The following FNBP1 variants were observed in gnomAD, a reference collection of about 807,000 sequenced individuals.
FNBP1 encodes the protein formin-binding protein 1.
FNBP1 carries 26 observed loss-of-function variants against 90.6 expected under a neutral mutation model. The observed-to-expected ratio is 0.29, with a 90% CI of 0.21 to 0.40. FNBP1 has a LOEUF of 0.40. Ranked by LOEUF, FNBP1 falls within the 10% of genes least tolerant of loss-of-function variation. The pLI, the probability that FNBP1 is intolerant of heterozygous loss-of-function variation, is 1.00. For synonymous variants in FNBP1, 260 were observed against 265.2 expected (o/e 0.98, Z 0.19); for missense variants, 635 against 768.0 (o/e 0.83, Z 2.05).
At chr9:130,004,349 A>G (rs2131524813) in intron 1 of FNBP1, among the ~76,000 whole-genome samples, 1 of 152,244 alleles carries the variant, frequency 6.6e-6, no homozygotes, top group East Asian at 1.9e-4. Flanking sequence ...TGCTAAAATT[A>G]CCTATGTAAG....
chr9:129,964,068 T>C (rs2048229102), intron 4 of FNBP1, among the ~76,000 whole-genome samples: 1 of 152,198 alleles, frequency 6.6e-6, no homozygotes. Flanking sequence ...AGCTGGGGTT[T>C]GTTTCTAGCT....
Position 129,890,635 on chromosome 9 carries a change from C to T in FNBP1, c.1847-89G>A. On this transcript the variant is annotated intron_variant, in intron 16 of 16. Transcript: ENST00000446176. The surrounding 1 kb of genome is among the most constrained non-coding windows in gnomAD (Gnocchi z 5.8). ...CGGGCATTTTGCTCTTGGCTACAAA[C>T]TGCACCGCCCTGGGAGGGGAGGGTA... is the stretch of plus-strand genomic sequence containing the variant. 4 of 788,478 alleles carry T rather than the reference C, an allele frequency of 5.1e-6. No homozygotes were observed. The highest frequency in any genetic ancestry group is 4.3e-5 in the South Asian group (3 of 69,522). The allele number at this position is 788,478 out of a possible 1,614,324, so 48.8% of individuals were successfully genotyped here. A position where few individuals can be genotyped will look rare whatever the true frequency, so the allele number is the denominator to read the frequency against.
chr9:129,988,820 G>C (rs1266515509), intron 2 of FNBP1, among the ~76,000 whole-genome samples: 4 of 152,272 alleles, frequency 2.6e-5, no homozygotes, highest in East Asian at 1.9e-4. Context: ...AAACCAAGTA[G>C]TGGATGGATT....
At chr9:130,052,381 C>T in the FNBP1 span, among the ~76,000 whole-genome samples, 3 of 152,124 alleles carry the variant, frequency 2.0e-5, no homozygotes, top group African/African-American at 7.2e-5. Flanking sequence ...CTATTTAAAA[C>T]TATTTTAATG....
rs367642326 is a variant in FNBP1 at position 129,900,494 on chromosome 9, G to C, written c.1482C>G (p.Arg494=). 5 of 1,600,576 alleles carry C rather than the reference G, an allele frequency of 3.1e-6. No homozygotes were observed. The highest frequency in any genetic ancestry group is 2.6e-6 in the Non-Finnish European group (3 of 1,174,632). ...GGCTGTCGTACAGTCCGCTCTGCCG[G>C]CGCGCCTGCTCGCTGCGTGCTGGGA... is the stretch of plus-strand genomic sequence containing the variant. The part of the protein sequence containing the change: ...GRLPARSEQA[R]RQSGLYDSQN... Residue 494 remains arginine, a synonymous_variant, in exon 14 of 17, where the codon CGC becomes CGG. Coordinates refer to ENST00000446176, the MANE Select transcript of FNBP1 (RefSeq NM_015033.3). The surrounding 1 kb of genome is among the most constrained non-coding windows in gnomAD (Gnocchi z 4.1).
intron 1 of FNBP1, among the ~76,000 whole-genome samples, chr9:130,037,567 G>T (rs605448): frequency 1.5e-3 from 230 of 152,294 alleles, no homozygotes; most frequent in Non-Finnish European, 2.3e-3. Context: ...CTTATATAAA[G>T]ATATGTACAC....
rs543980141 is a variant in FNBP1, at chr9:129,907,875, C to T, written c.1295+1015G>A. Among the ~76,000 whole-genome samples, 28 of 151,822 alleles carry T rather than the reference C, an allele frequency of 1.8e-4. 1 individual carries two copies. The highest frequency in any genetic ancestry group is 6.8e-4 in the African/African-American group (28 of 41,388). ...TCCCAAGTAGCTGGGACTATAGGCG[C>T]CCGCCACCATGCGAGCTAATTTTTT... On this transcript the variant is annotated intron_variant, in intron 12 of 16. Transcript: ENST00000446176.
intron 1 of FNBP1, among the ~76,000 whole-genome samples, chr9:130,017,105 G>C (rs975722382): frequency 6.6e-6 from 1 of 152,032 alleles, no homozygotes; most frequent in South Asian, 2.1e-4. Context: ...AATTTATGAA[G>C]AGCATGCAAT....
At chr9:129,959,072 G>C (rs894536199) in intron 4 of FNBP1, among the ~76,000 whole-genome samples, 5 of 144,166 alleles carry the variant, frequency 3.5e-5, no homozygotes, top group Non-Finnish European at 6.0e-5. Context: ...GATGAAACAA[G>C]TTTCACTTGG....
chr9:130,014,617 A>C (rs572198333), intron 1 of FNBP1, among the ~76,000 whole-genome samples: 1 of 152,256 alleles, frequency 6.6e-6, no homozygotes, highest in East Asian at 1.9e-4. Flanking sequence ...ATTTTTGTAC[A>C]TATTATTCTA....
intron 1 of FNBP1, among the ~76,000 whole-genome samples, chr9:130,026,480 C>T (rs916850045): frequency 6.6e-6 from 1 of 151,676 alleles, no homozygotes; most frequent in African/African-American, 2.4e-5. Context: ...GGCAACACAG[C>T]GAGACTCTAT....
intron 1 of FNBP1, among the ~76,000 whole-genome samples, chr9:130,002,181 T>G (rs1004619353): frequency 1.3e-5 from 2 of 151,982 alleles, no homozygotes; most frequent in Non-Finnish European, 2.9e-5. Flanking sequence ...AAAGCAAGAC[T>G]CCATCTAAAA....
chr9:129,976,738 C>T (rs1026771647), intron 4 of FNBP1, among the ~76,000 whole-genome samples: 7 of 152,168 alleles, frequency 4.6e-5, no homozygotes, highest in Admixed American at 3.9e-4. Context: ...TCTCATAGCA[C>T]GTTCTACTCT....
chr9:129,960,974 C>T (rs148427311), intron 4 of FNBP1, among the ~76,000 whole-genome samples: 20 of 152,096 alleles, frequency 1.3e-4, no homozygotes, highest in Middle Eastern at 3.4e-3. Flanking sequence ...AGATCATACA[C>T]GTAGTTTCAC....
At chr9:129,905,315 T>TC (rs2037812562) in intron 12 of FNBP1, among the ~76,000 whole-genome samples, 1 of 149,434 alleles carries the variant, frequency 6.7e-6, no homozygotes, top group South Asian at 2.1e-4. Context: ...TATATATATT[T>TC]TGTTAATTAT....
chr9:129,905,081 G>T (rs942725979), intron 12 of FNBP1, among the ~76,000 whole-genome samples: 2 of 151,296 alleles, frequency 1.3e-5, no homozygotes, highest in African/African-American at 4.9e-5. Context: ...TGTCCTTTCC[G>T]AAACCCGTCT....
intron 1 of FNBP1, among the ~76,000 whole-genome samples, chr9:129,998,158 T>G (rs575693882): frequency 7.9e-6 from 1 of 126,834 alleles, no homozygotes; most frequent in East Asian, 2.4e-4. Context: ...ATTGTACCAC[T>G]GCACTCCAGT....
Position 129,930,105 on chromosome 9 carries a change from G to C in FNBP1, c.514-410C>G, listed in dbSNP as rs1039520310. Among the ~76,000 whole-genome samples the C allele has an allele frequency of 8.0e-5, 12 of 150,720 alleles. No individual in the cohort carries two copies. The South Asian group carries it at 1.3e-3, about 16-fold the overall frequency. ...AGACCAGGTCTCGCTCTGTCACCCA[G>C]GCTGGAGTGCAGTGGCACGATCCTG... On this transcript the variant is annotated intron_variant, in intron 6 of 16. Transcript: ENST00000446176.
intron 11 of FNBP1, among the ~76,000 whole-genome samples, chr9:129,913,391 T>C (rs553944068): frequency 6.0e-5 from 9 of 151,024 alleles, no homozygotes; most frequent in Non-Finnish European, 1.3e-4. Context: ...ACAGGAGGAG[T>C]TGGTATGGGA....
Sources: allele counts gnomAD v4.1 joint callset (sites outside exome capture counted in the v4.1 genomes callset), GRCh38; gene constraint gnomAD v4.1.1; non-coding constraint Gnocchi (gnomAD v3.1); transcripts MANE v1.5; gene names NCBI Gene and HGNC (gene_info 2026-07-23, HGNC 2026-07-21).